The following SALL1 variants were observed in gnomAD, a reference collection of about 807,000 sequenced individuals.
SALL1 encodes the protein sal-like protein 1.
SALL1 carries 10 observed loss-of-function variants against 73.1 expected under a neutral mutation model. The observed-to-expected ratio is 0.14, with a 90% CI of 0.08 to 0.23. The LOEUF (loss-of-function observed/expected upper bound fraction) is 0.23, where lower values mean the gene tolerates loss of function less well. SALL1 is among the 10% of genes least tolerant of loss of function. The pLI is 1.00. For synonymous variants in SALL1, 688 were observed against 689.8 expected (o/e 1.00, Z 0.04); for missense variants, 1,520 against 1,697.3 (o/e 0.90, Z 1.84).
At chr16:51,151,008 TAAAAAGAAAAA>T in intron 1 of SALL1, 147 bp downstream of exon 1, 1 of 452,188 alleles carries the variant, frequency 2.2e-6, no homozygotes, top group East Asian at 3.5e-5. Context: ...CATTGAAAAT[TAAAAAGAAAAA>T]AAAAATTACG....
chr16:51,151,341 C>A (rs990023163), upstream of SALL1: 31 of 772,456 alleles, frequency 4.0e-5, no homozygotes, highest in Non-Finnish European at 5.1e-5. Flanking sequence ...CGGCTCCCCC[C>A]GCCCGCCGGC....
intron 1 of SALL1, 57 bp downstream of exon 1, chr16:51,151,109 G>T: frequency 7.5e-7 from 1 of 1,331,324 alleles, no homozygotes; most frequent in Non-Finnish European, 1.0e-6. Flanking sequence ...GTGGGTCCGA[G>T]TGTGCGTGAG....
rs376879952 is a variant in SALL1, at chr16:51,137,305, G to C, written c.3782C>G (p.Pro1261Arg). The C allele has an allele frequency of 1.5e-5, 24 of 1,614,028 alleles. No homozygotes were observed. Among genetic ancestry groups the C allele is most frequent in the Admixed American group, 3.3e-5 (2 of 59,992 alleles). The change falls in exon 3 of 3, where the codon CCT becomes CGT. Residue 1261 changes from proline (P) to arginine (R), a missense_variant. By Grantham distance (103) the Pro-to-Arg change is moderately radical. Coordinates refer to ENST00000251020, the MANE Select transcript of SALL1 (RefSeq NM_002968.3). Reference sequence around the variant, plus strand: ...ACTGCCGAGGCTTCCAGGAATTGGAGGGATGCCACCGTTCTGAATGACGGA... The same window carrying C: ...ACTGCCGAGGCTTCCAGGAATTGGACGGATGCCACCGTTCTGAATGACGGA... ...EISVIQNGGI[P>R]PIPGSLGSGN...
Position 51,141,277 on chromosome 16 carries a change from C to T in SALL1, c.945G>A (p.Gln315=). 1 of 1,614,074 alleles carries T rather than the reference C, an allele frequency of 6.2e-7. No individual in the cohort carries two copies. Among genetic ancestry groups the T allele is most frequent in the Admixed American group, 1.7e-5 (1 of 60,018 alleles). ...TCTGAGGTAGCTGGATTGGGGGTAG[C>T]TGTTTCACACCACTAATGCTGGCAG... ...SQSASISGVK[Q]LPPIQLPQSS... The change falls in exon 2 of 3, where the codon CAG becomes CAA. Residue 315 remains glutamine (Q), a synonymous_variant. Coordinates refer to ENST00000251020, the MANE Select transcript of SALL1 (RefSeq NM_002968.3). This position sits in a 1 kb window ranked among gnomAD's most constrained non-coding sequence, Gnocchi z 5.4.
chr16:51,138,474 G>A (rs912627897), intron 2 of SALL1, among the ~76,000 whole-genome samples: 3 of 152,144 alleles, frequency 2.0e-5, no homozygotes, highest in African/African-American at 4.8e-5. Context: ...GACATTCAGT[G>A]AGCTGCAGCT....
At chr16:51,152,081 C>G (rs1338687834), upstream of SALL1, 4 of 151,984 alleles carry the variant, frequency 2.6e-5, no homozygotes, top group Non-Finnish European at 5.9e-5. Context: ...CACGGCTCGG[C>G]CTCCCTCCCG....
rs1399624121 is a variant in SALL1, at chr16:51,140,302, G to A, written c.1920C>T (p.Ser640=). The change falls in exon 2 of 3, where the codon AGC becomes AGT. Residue 640 remains serine, a synonymous_variant. Transcript: ENST00000251020. This position sits in a 1 kb window ranked among gnomAD's most constrained non-coding sequence, Gnocchi z 5.7. The stretch of plus-strand genomic sequence containing the variant: ...AGTCTGCCGCTGGGGAGCTCAGGAC[G>A]CTACTGCTCGCCGTCGGGACTGAGT... ...VTNSVPTASS[S]VLSSPAADCG... is the part of the protein sequence containing the mutation. The A allele has an allele frequency of 3.7e-6, 6 of 1,613,970 alleles. No homozygotes were observed. In the African/African-American group the frequency reaches 4.0e-5, roughly 11 times the overall value.
intron 1 of SALL1, among the ~76,000 whole-genome samples, chr16:51,144,123 C>A (rs536049844): frequency 6.6e-6 from 1 of 152,212 alleles, no homozygotes; most frequent in South Asian, 2.1e-4. Context: ...GACAAAAATT[C>A]TCTTTAAAGC....
Position 51,140,143 on chromosome 16 carries a change from T to C in SALL1, c.2079A>G (p.Gln693=), listed in dbSNP as rs1193033868. 1 of 1,614,188 alleles carries C rather than the reference T, an allele frequency of 6.2e-7. No homozygotes were observed. Among genetic ancestry groups the C allele is most frequent in the Admixed American group, 1.7e-5 (1 of 60,022 alleles). The change falls in exon 2 of 3, where the codon CAA becomes CAG. Residue 693 remains glutamine, a synonymous_variant. Coordinates refer to ENST00000251020, the MANE Select transcript of SALL1 (RefSeq NM_002968.3). The surrounding 1 kb of genome is among the most constrained non-coding windows in gnomAD (Gnocchi z 5.7). ...CCTTCTTGTCAATGTTTTCTACCAGTTGCTGAAGCTTGGACGTCTCTGATG... is the reference window on the plus strand; with the variant it reads ...CCTTCTTGTCAATGTTTTCTACCAGCTGCTGAAGCTTGGACGTCTCTGATG... ...AQASETSKLQ[Q]LVENIDKKAT... is the part of the protein sequence containing the mutation.
chr16:51,144,534 T>C (rs572721573), intron 1 of SALL1, among the ~76,000 whole-genome samples: 1 of 152,204 alleles, frequency 6.6e-6, no homozygotes, highest in Admixed American at 6.5e-5. Flanking sequence ...ACTGACTTCA[T>C]CAATTGTACA....
chr16:51,137,158 C>A lies in SALL1; in HGVS notation c.3929G>T (p.Arg1310Leu). Residue 1310 changes from arginine to leucine, a missense_variant, in exon 3 of 3, where the codon CGC becomes CTC. Around this residue, in one of 7 missense-constraint regions of SALL1, gnomAD observed 318 missense variants for 357.1 expected, o/e 0.89. Transcript: ENST00000251020. ...GCTGTCCTCCACGAAGCGGGTGAAG[C>A]GGAAGTTGGTTCCGTTCTCACTGCT... The part of the protein sequence containing the change: ...MASSENGTNF[R>L]FTRFVEDSKE... 6.2e-7 allele frequency: 1 copy of A among 1,614,096 alleles called. No individual in the cohort carries two copies. Among genetic ancestry groups the A allele is most frequent in the Non-Finnish European group, 8.5e-7 (1 of 1,180,030 alleles).
chr16:51,145,064 T>G (rs1455204578), intron 1 of SALL1, among the ~76,000 whole-genome samples: 2 of 149,848 alleles, frequency 1.3e-5, no homozygotes, highest in Non-Finnish European at 3.0e-5. Flanking sequence ...CTATCTGCAT[T>G]CGGAACAAAA....
At chr16:51,143,511 T>C (rs1267201659) in intron 1 of SALL1, 1 of 163,790 alleles carries the variant, frequency 6.1e-6, no homozygotes, top group East Asian at 1.8e-4. Context: ...ACTTCCAAAT[T>C]GAATCTCCCA....
At chr16:51,148,152 T>A (rs1206879493) in intron 1 of SALL1, among the ~76,000 whole-genome samples, 2 of 152,240 alleles carry the variant, frequency 1.3e-5, no homozygotes, top group East Asian at 3.9e-4. Context: ...TTTTGTATTT[T>A]GTTTGCATTT....
intron 1 of SALL1, chr16:51,150,628 G>C: frequency 1.0e-6 from 1 of 963,630 alleles, no homozygotes; most frequent in Non-Finnish European, 1.2e-6. Context: ...GGCCGAGGGG[G>C]AGTGTGCGTG....
rs150748596 is a variant in SALL1, at chr16:51,137,421, C to A, written c.3666G>T (p.Ala1222=). 1 of 1,614,104 alleles carries A rather than the reference C, an allele frequency of 6.2e-7. No individual in the cohort carries two copies. The highest frequency in any genetic ancestry group is 8.5e-7 in the Non-Finnish European group (1 of 1,180,026). ...AAGGATCCCCACTTCCTGATCTTGC[C>A]GCCAAATCCTTCTGGAACATTTCTG... ...KFPEMFQKDL[A]ARSGSGDPSS... is the part of the protein sequence containing the mutation. The change falls in exon 3 of 3, where the codon GCG becomes GCT. Residue 1222 remains alanine, a synonymous_variant. Transcript: ENST00000251020.
In SALL1 at chr16:51,141,367, T is replaced by A. The variant is rs762324270; in HGVS notation, c.855A>T (p.Leu285=). 5.0e-6 allele frequency: 8 copies of A among 1,613,716 alleles called. No individual in the cohort carries two copies. In the South Asian group the frequency reaches 8.8e-5, roughly 18 times the overall value. ...LRTSANPLST[L]SSHLSQQLAA... Reference sequence around the variant, plus strand: ...CCAGCTGCTGAGATAAATGGGAACTTAGCGTGGACAAGGGGTTGGCAGATG... The same window carrying A: ...CCAGCTGCTGAGATAAATGGGAACTAAGCGTGGACAAGGGGTTGGCAGATG... The change falls in exon 2 of 3, where the codon CTA becomes CTT. Residue 285 remains leucine, a synonymous_variant. Coordinates refer to ENST00000251020, the MANE Select transcript of SALL1 (RefSeq NM_002968.3). The surrounding 1 kb of genome is among the most constrained non-coding windows in gnomAD (Gnocchi z 5.4).
Position 51,145,525 on chromosome 16 carries a change from TG to T in SALL1, c.77-3381del, listed in dbSNP as rs540328192. ...ATTTGGAATTTTCTGGGCCTTTTGT[TG>T]GGGGGGCGGGAAGAGTGATCTTATA... On this transcript the variant is annotated intron_variant, in intron 1 of 2. Coordinates refer to ENST00000251020, the MANE Select transcript of SALL1 (RefSeq NM_002968.3). Among the ~76,000 whole-genome samples, 334 of 152,078 alleles carry T rather than the reference TG, an allele frequency of 2.2e-3. 1 individual carries two copies. The highest frequency in any genetic ancestry group is 7.6e-3 in the African/African-American group (317 of 41,494).
Position 51,141,749 on chromosome 16 carries a change from CT to C in SALL1, c.472del (p.Ser158AlafsTer25), listed in dbSNP as rs777204318. ...APSSSSSSSSSSGGGGSSSTG... is the reference protein window; with the variant it reads ...APSSSSSSSSXSGGGGSSSTG... ...GGAGGAGCTGCCGCCGCCGCCGCTG[CT>C]GCTGCTGCTGCTGCTGCTGCTGCTT... On this transcript the variant is annotated frameshift_variant, in exon 2 of 3. Coordinates refer to ENST00000251020, the MANE Select transcript of SALL1 (RefSeq NM_002968.3). LOFTEE classifies it high-confidence loss of function. This position sits in a 1 kb window ranked among gnomAD's most constrained non-coding sequence, Gnocchi z 5.4. The C allele has an allele frequency of 1.1e-3, 1,681 of 1,586,306 alleles. No homozygotes were observed. Among genetic ancestry groups the C allele is most frequent in the Non-Finnish European group, 1.4e-3 (1,569 of 1,156,440 alleles).
Sources: allele counts gnomAD v4.1 joint callset (sites outside exome capture counted in the v4.1 genomes callset), GRCh38; gene constraint gnomAD v4.1.1; regional missense constraint gnomAD v4.1.1; non-coding constraint Gnocchi (gnomAD v3.1); transcripts MANE v1.5; gene names NCBI Gene and HGNC (gene_info 2026-07-23, HGNC 2026-07-21).